The following ADAM23 variants were observed in gnomAD, a reference collection of about 807,000 sequenced individuals.
ADAM23 encodes the protein disintegrin and metalloproteinase domain-containing protein 23.
A neutral mutation model predicts 120.1 loss-of-function variants in ADAM23; 33 were observed. The observed-to-expected ratio is 0.27, with a 90% CI of 0.21 to 0.37. The LOEUF (loss-of-function observed/expected upper bound fraction) is 0.37, where lower values mean the gene tolerates loss of function less well. ADAM23 is among the 10% of genes least tolerant of loss of function. ADAM23 has a pLI of 1.00. For synonymous variants in ADAM23, 367 were observed against 375.2 expected (o/e 0.98, Z 0.25); for missense variants, 862 against 1,058.2 (o/e 0.81, Z 2.57).
chr2:206,465,561 C>G (rs1356252586), intron 2 of ADAM23, among the ~76,000 whole-genome samples: 1 of 152,054 alleles, frequency 6.6e-6, no homozygotes, highest in Non-Finnish European at 1.5e-5. Flanking sequence ...AGCTCTTAAT[C>G]AAGTATTAAT....
In ADAM23 at chr2:206,560,111, C is replaced by T. The variant is rs376567189; in HGVS notation, c.1162C>T (p.Leu388Phe). Residue 388 changes from leucine (L) to phenylalanine (F), a missense_variant, in exon 11 of 26, where the codon CTC becomes TTC. Leu to Phe is a conservative substitution (Grantham distance 22). Transcript: ENST00000264377. ...RIKQHADAVHLISRVTFHYKR... is the reference protein window; with the variant it reads ...RIKQHADAVHFISRVTFHYKR... ...TAAGCAGCATGCTGATGCTGTGCACCTCATCTCGTACGTACTCATTTCAGC... is the reference window on the plus strand; with the variant it reads ...TAAGCAGCATGCTGATGCTGTGCACTTCATCTCGTACGTACTCATTTCAGC... 153 of 1,613,350 alleles carry T rather than the reference C, an allele frequency of 9.5e-5. No individual in the cohort carries two copies. Among genetic ancestry groups the T allele is most frequent in the Non-Finnish European group, 1.3e-4 (148 of 1,179,604 alleles).
chr2:206,587,847 G>A (rs999890181), intron 19 of ADAM23, among the ~76,000 whole-genome samples: 1 of 152,180 alleles, frequency 6.6e-6, no homozygotes, highest in Non-Finnish European at 1.5e-5. Context: ...TTTGTTTGCT[G>A]TAAAATTTCA....
At chr2:206,575,798 T>C (rs1033180625) in intron 18 of ADAM23, among the ~76,000 whole-genome samples, 3 of 152,130 alleles carry the variant, frequency 2.0e-5, no homozygotes, top group Non-Finnish European at 4.4e-5. Context: ...GGCTTGCTTA[T>C]AAAAGAATGG....
intron 3 of ADAM23, among the ~76,000 whole-genome samples, chr2:206,498,903 C>T (rs1696318754): frequency 6.6e-6 from 1 of 152,210 alleles, no homozygotes; most frequent in Non-Finnish European, 1.5e-5. Flanking sequence ...AAATGCTCAT[C>T]ATCACTGGCC....
At chr2:206,590,914 C>T (rs1232560228) in intron 21 of ADAM23, among the ~76,000 whole-genome samples, 2 of 152,136 alleles carry the variant, frequency 1.3e-5, no homozygotes, top group Admixed American at 1.3e-4. Flanking sequence ...TGTCTCATGA[C>T]CTCAAAAAGT....
chr2:206,458,956 T>G (rs3770969), intron 2 of ADAM23, among the ~76,000 whole-genome samples: 4,066 of 152,286 alleles, frequency 0.027, 125 homozygotes, highest in East Asian at 0.16. Context: ...TAAATTCTGT[T>G]TTTATTTGGA....
chr2:206,577,896 C>T (rs1236138982), intron 18 of ADAM23, among the ~76,000 whole-genome samples: 1 of 151,222 alleles, frequency 6.6e-6, no homozygotes, highest in East Asian at 2.0e-4. Context: ...AAAAGTGTTC[C>T]TATTTCTCCA....
At chr2:206,551,253 C>G (rs1240462345) in intron 9 of ADAM23, among the ~76,000 whole-genome samples, 2 of 151,992 alleles carry the variant, frequency 1.3e-5, no homozygotes, top group African/African-American at 2.4e-5. Flanking sequence ...TTCAAGCTAT[C>G]AAAGTGAGAT....
intron 3 of ADAM23, among the ~76,000 whole-genome samples, chr2:206,513,913 G>A (rs1696678470): frequency 6.6e-6 from 1 of 152,186 alleles, no homozygotes; most frequent in Admixed American, 6.5e-5. Context: ...AAGCCTGGGT[G>A]ACAGCACATC....
Position 206,530,537 on chromosome 2 carries a change from G to A in ADAM23, c.510-348G>A, listed in dbSNP as rs537065046. Among the ~76,000 whole-genome samples the A allele has an allele frequency of 5.9e-5, 9 of 151,314 alleles. No homozygotes were observed. In the East Asian group the frequency reaches 1.6e-3, roughly 26 times the overall value. On this transcript the variant is annotated intron_variant, in intron 3 of 25. Coordinates refer to ENST00000264377, the MANE Select transcript of ADAM23 (RefSeq NM_003812.4). Reference sequence around the variant, plus strand: ...ATAATGTGAATAAAAAGAGTTCACCGTCCGGGAGGCGGAGCTTGCAGTGAG... The same window carrying A: ...ATAATGTGAATAAAAAGAGTTCACCATCCGGGAGGCGGAGCTTGCAGTGAG...
intron 3 of ADAM23, among the ~76,000 whole-genome samples, chr2:206,508,197 T>G (rs1476091204): frequency 6.6e-6 from 1 of 151,982 alleles, no homozygotes; most frequent in Non-Finnish European, 1.5e-5. Context: ...GCCCAGCTAA[T>G]TTTTTGTATT....
chr2:206,455,018 T>G (rs1339249873), intron 2 of ADAM23, among the ~76,000 whole-genome samples: 6 of 152,230 alleles, frequency 3.9e-5, no homozygotes, highest in Non-Finnish European at 4.4e-5. Flanking sequence ...ACAGCTCCAA[T>G]AGGCAGTGCC....
chr2:206,459,912 C>T (rs923807869), intron 2 of ADAM23, among the ~76,000 whole-genome samples: 3 of 152,196 alleles, frequency 2.0e-5, no homozygotes, highest in African/African-American at 7.2e-5. Context: ...TTGCTGCCAA[C>T]CTGGTCTAAC....
At chr2:206,477,485 C>T (rs1052564660) in intron 2 of ADAM23, among the ~76,000 whole-genome samples, 5 of 152,046 alleles carry the variant, frequency 3.3e-5, no homozygotes, top group Middle Eastern at 3.2e-3. Context: ...AAATGATGTT[C>T]TTTGGCTATA....
Position 206,502,514 on chromosome 2 carries a change from C to G in ADAM23, c.509+21206C>G, listed in dbSNP as rs190981154. ...GAAAAGAAGTCAAACACTTGTAAAT[C>G]GTATGTTTTGGTGATTCTAAGTGAT... On this transcript the variant is annotated intron_variant, in intron 3 of 25. Coordinates refer to ENST00000264377, the MANE Select transcript of ADAM23 (RefSeq NM_003812.4). Among the ~76,000 whole-genome samples the G allele has an allele frequency of 1.3e-3, 194 of 152,110 alleles. 1 individual carries two copies. Among genetic ancestry groups the G allele is most frequent in the African/African-American group, 4.5e-3 (185 of 41,526 alleles).
intron 22 of ADAM23, among the ~76,000 whole-genome samples, chr2:206,594,240 A>G (rs959513420): frequency 2.6e-5 from 4 of 152,110 alleles, no homozygotes; most frequent in Non-Finnish European, 4.4e-5. Context: ...ATGTCTGTAA[A>G]TATCAATAGA....
intron 2 of ADAM23, among the ~76,000 whole-genome samples, chr2:206,471,814 C>T (rs1049063748): frequency 1.3e-5 from 2 of 152,016 alleles, no homozygotes; most frequent in Non-Finnish European, 2.9e-5. Context: ...TGTTACTATT[C>T]AGGAAGGCAG....
At chr2:206,599,742 G>A (rs1471093967) in intron 24 of ADAM23, among the ~76,000 whole-genome samples, 1 of 152,210 alleles carries the variant, frequency 6.6e-6, no homozygotes, top group Non-Finnish European at 1.5e-5. Context: ...AATATGCAAA[G>A]GAAATGAGAT....
chr2:206,454,880 T>C (rs1184935765), intron 2 of ADAM23, among the ~76,000 whole-genome samples: 1 of 152,256 alleles, frequency 6.6e-6, no homozygotes, highest in Non-Finnish European at 1.5e-5. Context: ...TTTATAGCTC[T>C]GCAGGGTACA....
Sources: allele counts gnomAD v4.1 joint callset (sites outside exome capture counted in the v4.1 genomes callset), GRCh38; gene constraint gnomAD v4.1.1; transcripts MANE v1.5; gene names NCBI Gene and HGNC (gene_info 2026-07-23, HGNC 2026-07-21).